TIAM1: variants seen among roughly 807,000 people sequenced by gnomAD.
TIAM1 encodes the protein rho guanine nucleotide exchange factor TIAM1.
TIAM1 carries 65 observed loss-of-function variants against 163.5 expected under a neutral mutation model. The observed-to-expected ratio is 0.40, with a 90% CI of 0.33 to 0.49. The LOEUF is 0.49. TIAM1 is among the 20% of genes least tolerant of loss of function. The pLI, the probability that TIAM1 is intolerant of heterozygous loss-of-function variation, is 0.77. For missense variants in TIAM1, 1,789 were observed against 2,044.7 expected, an observed-to-expected ratio of 0.87 and a Z score of 2.41; for synonymous variants, 833 against 810.1, an observed-to-expected ratio of 1.03 and a Z score of -0.48.
chr21:31,283,537 T>TTTTA (rs369790254), intron 2 of TIAM1, among the ~76,000 whole-genome samples: 3,211 of 151,246 alleles, frequency 0.021, 122 homozygotes, highest in African/African-American at 0.074. Flanking sequence ...TCTTTCCCTT[T>TTTTA]TTTATTTATT....
chr21:31,160,219 A>G (rs1266907152), intron 16 of TIAM1, among the ~76,000 whole-genome samples: 2 of 152,216 alleles, frequency 1.3e-5, no homozygotes, highest in African/African-American at 4.8e-5. Flanking sequence ...AAATGTAAAG[A>G]TGCTAGGCAA....
intron 17 of TIAM1, among the ~76,000 whole-genome samples, chr21:31,153,347 A>G (rs985141615): frequency 6.6e-6 from 1 of 152,144 alleles, no homozygotes; most frequent in Admixed American, 6.5e-5. Context: ...TTAGGCTTCG[A>G]GGACTAAAAT....
chr21:31,119,193 A>G lies in TIAM1; in HGVS notation c.*1175T>C, dbSNP rs2081912407. The G allele has an allele frequency of 6.6e-6, 1 of 152,590 alleles. No homozygotes were observed. The highest frequency in any genetic ancestry group is 2.4e-5 in the African/African-American group (1 of 41,382). The allele number at this position is 152,590 out of a possible 1,614,324, so 9.5% of individuals were successfully genotyped here. On this transcript the variant is annotated 3_prime_UTR_variant, in exon 28 of 28. Transcript: ENST00000541036. The stretch of plus-strand genomic sequence containing the variant: ...TGTTTAGACTGTTAATGTTTTGAGC[A>G]TGTTTACCCTGTTTCGTTGGCATGA...
intron 1 of TIAM1, among the ~76,000 whole-genome samples, chr21:31,489,281 G>A (rs1040481439): frequency 6.8e-6 from 1 of 147,052 alleles, no homozygotes; most frequent in Non-Finnish European, 1.5e-5. Context: ...GACGGAGGAG[G>A]ATGGCTTGAA....
chr21:31,398,762 G>A (rs541043222), intron 2 of TIAM1, among the ~76,000 whole-genome samples: 81 of 152,386 alleles, frequency 5.3e-4, no homozygotes, highest in African/African-American at 1.9e-3. Context: ...TATGGAGAAC[G>A]ATTTAGTGTG....
chr21:31,375,013 CTT>C (rs1280972097), intron 2 of TIAM1, among the ~76,000 whole-genome samples: 2 of 152,170 alleles, frequency 1.3e-5, no homozygotes, highest in Non-Finnish European at 2.9e-5. Flanking sequence ...AATTTCTGGT[CTT>C]TACATTAGAC....
At chr21:31,213,501 A>C in intron 9 of TIAM1, 29 bp from the exon 10 acceptor site, 1 of 1,609,640 alleles carries the variant, frequency 6.2e-7, no homozygotes, top group South Asian at 1.1e-5. Flanking sequence ...CACCTTAAAA[A>C]GGAATCTGGG....
intron 2 of TIAM1, among the ~76,000 whole-genome samples, chr21:31,417,902 A>G (rs1231073414): frequency 1.3e-5 from 2 of 152,166 alleles, no homozygotes; most frequent in Non-Finnish European, 2.9e-5. Flanking sequence ...CACTTGCCAT[A>G]TGAATGAGCA....
At chr21:31,267,531 T>G (rs2072846736) in intron 3 of TIAM1, among the ~76,000 whole-genome samples, 2 of 146,276 alleles carry the variant, frequency 1.4e-5, no homozygotes, top group Non-Finnish European at 3.0e-5. Context: ...TTTTTTTTTT[T>G]TGGCTCTATT....
chr21:31,266,406 G>C lies in TIAM1; in HGVS notation c.567C>G (p.Ser189Arg). Residue 189 changes from serine to arginine, a missense_variant, in exon 4 of 28, where the codon AGC becomes AGG. This residue lies in a region of TIAM1 where 555 missense variants were observed against 564.9 expected (regional missense o/e 0.98). Coordinates refer to ENST00000541036, the MANE Select transcript of TIAM1 (RefSeq NM_001353694.2). ...CTTCGTTGCTTGTTAAATGTTCTTG[G>C]CTCAGATCAGAGAGTGAGAATTCCA... ...DSLEFSLSDL[S>R]QEHLTSNEEI... 2 of 1,614,200 alleles carry C rather than the reference G, an allele frequency of 1.2e-6. No individual in the cohort carries two copies. The highest frequency in any genetic ancestry group is 1.7e-6 in the Non-Finnish European group (2 of 1,180,052).
At chr21:31,358,499 T>C (rs2076352412) in intron 2 of TIAM1, among the ~76,000 whole-genome samples, 1 of 152,172 alleles carries the variant, frequency 6.6e-6, no homozygotes. Context: ...ACTGTGCACG[T>C]ACACCCTCTG....
rs1278863349 is a variant in TIAM1, at chr21:31,395,377, A to C, written c.-368-55955T>G. ...AGATCACTGCTTGCCTCCAGAGAGA[A>C]GCAGTCCACTGGGGACACGGTGCCG... On this transcript the variant is annotated intron_variant, in intron 2 of 28. Transcript: ENST00000286827. The surrounding 1 kb of genome is among the most constrained non-coding windows in gnomAD (Gnocchi z 7.5). 6.6e-6 allele frequency among the ~76,000 whole-genome samples: 1 copy of C among 152,194 alleles called. No homozygotes were observed. The highest frequency in any genetic ancestry group is 1.5e-5 in the Non-Finnish European group (1 of 68,024).
At chr21:31,241,289 G>A (rs1425526600) in intron 6 of TIAM1, among the ~76,000 whole-genome samples, 1 of 152,174 alleles carries the variant, frequency 6.6e-6, no homozygotes, top group Non-Finnish European at 1.5e-5. Context: ...GTCCCAAGAA[G>A]TTCCTAAGCT....
chr21:31,136,262 T>C (rs1484834611), intron 22 of TIAM1, among the ~76,000 whole-genome samples: 5 of 152,216 alleles, frequency 3.3e-5, no homozygotes, highest in East Asian at 3.8e-4. Context: ...ACCATAAATA[T>C]ATAAAATTTT....
At chr21:31,381,684 T>A (rs973763626) in intron 2 of TIAM1, among the ~76,000 whole-genome samples, 1 of 151,694 alleles carries the variant, frequency 6.6e-6, no homozygotes, top group Non-Finnish European at 1.5e-5. Flanking sequence ...AACAAAAAAA[T>A]AGCCAGACAT....
intron 27 of TIAM1, among the ~76,000 whole-genome samples, chr21:31,121,901 C>T (rs73899650): frequency 0.038 from 5,814 of 152,216 alleles, 381 homozygotes; most frequent in African/African-American, 0.13. Flanking sequence ...GCATTAGACA[C>T]GAAAAGGTGA....
intron 19 of TIAM1, among the ~76,000 whole-genome samples, 181 bp from the exon 20 acceptor site, chr21:31,147,184 G>A (rs2083160946): frequency 2.0e-5 from 3 of 152,162 alleles, no homozygotes; most frequent in Non-Finnish European, 2.9e-5. Flanking sequence ...GTATGTGCTT[G>A]TACAAGTTTG....
At chr21:31,293,571 T>C (rs2074114193) in intron 2 of TIAM1, among the ~76,000 whole-genome samples, 1 of 152,200 alleles carries the variant, frequency 6.6e-6, no homozygotes, top group African/African-American at 2.4e-5. Context: ...CCACAGAATG[T>C]CTACAATGCA....
chr21:31,254,658 C>T (rs2071993879), intron 4 of TIAM1, among the ~76,000 whole-genome samples: 1 of 152,088 alleles, frequency 6.6e-6, no homozygotes. Context: ...CAAGACTGCA[C>T]CACTGCACTC....
Sources: allele counts gnomAD v4.1 joint callset (sites outside exome capture counted in the v4.1 genomes callset), GRCh38; gene constraint gnomAD v4.1.1; regional missense constraint gnomAD v4.1.1; non-coding constraint Gnocchi (gnomAD v3.1); transcripts MANE v1.5; gene names NCBI Gene and HGNC (gene_info 2026-07-23, HGNC 2026-07-21).